The following TOM1L1 variants were observed in gnomAD, a reference collection of about 807,000 sequenced individuals.
TOM1L1 encodes the protein target of myb1 like 1 membrane trafficking protein.
TOM1L1 carries 64 observed loss-of-function variants against 63.4 expected under a neutral mutation model. The observed-to-expected ratio is 1.01, with a 90% CI of 0.83 to 1.24. The LOEUF (loss-of-function observed/expected upper bound fraction) is 1.24, where lower values mean the gene tolerates loss of function less well. Among genes scored for constraint, TOM1L1 ranks in the 50% most tolerant of loss-of-function variants. The pLI, the probability that TOM1L1 is intolerant of heterozygous loss-of-function variation, is 0.00. For missense variants in TOM1L1, 536 were observed against 567.0 expected (o/e 0.95, Z 0.55); for synonymous variants, 166 against 194.4 (o/e 0.85, Z 1.22).
At chr17:54,913,327 G>A (rs572264823) in intron 4 of TOM1L1, among the ~76,000 whole-genome samples, 2 of 152,114 alleles carry the variant, frequency 1.3e-5, no homozygotes, top group African/African-American at 4.8e-5. Context: ...CTTTCTGAGT[G>A]GGGTACATAA....
intron 11 of TOM1L1, among the ~76,000 whole-genome samples, chr17:54,940,701 G>A (rs1426807698): frequency 1.3e-5 from 2 of 152,122 alleles, no homozygotes; most frequent in African/African-American, 2.4e-5. Flanking sequence ...AGTAGTGTGT[G>A]TGTAATATAT....
intron 14 of TOM1L1, among the ~76,000 whole-genome samples, chr17:54,950,427 G>A (rs529868155): frequency 1.1e-4 from 17 of 152,296 alleles, no homozygotes; most frequent in African/African-American, 3.8e-4. Context: ...AGCTTGAGAA[G>A]GGTACTAGTC....
chr17:54,941,576 T>C (rs1001172857), intron 11 of TOM1L1, among the ~76,000 whole-genome samples: 1 of 152,232 alleles, frequency 6.6e-6, no homozygotes. Flanking sequence ...CTGTTTGTGT[T>C]ATCTTGCTAA....
At chr17:54,919,886 G>T (rs564654627) in intron 7 of TOM1L1, among the ~76,000 whole-genome samples, 111 of 152,178 alleles carry the variant, frequency 7.3e-4, no homozygotes, top group African/African-American at 2.5e-3. Flanking sequence ...AGGACAAGAA[G>T]CATATCTGAT....
In TOM1L1 at chr17:54,961,272, T is replaced by C. The variant is rs1300106414; in HGVS notation, c.*39T>C. ...GATCAGCTCACTACCACATCAAAGGTGCCAACTCTCTAAAACGTAGACTCT... is the reference window on the plus strand; with the variant it reads ...GATCAGCTCACTACCACATCAAAGGCGCCAACTCTCTAAAACGTAGACTCT... On this transcript the variant is annotated 3_prime_UTR_variant, in exon 16 of 16. Coordinates refer to ENST00000575882, the MANE Select transcript of TOM1L1 (RefSeq NM_005486.3). 1.3e-6 allele frequency: 2 copies of C among 1,551,440 alleles called. No individual in the cohort carries two copies. The highest frequency in any genetic ancestry group is 1.7e-6 in the Non-Finnish European group (2 of 1,146,798).
intron 4 of TOM1L1, among the ~76,000 whole-genome samples, chr17:54,913,431 C>T (rs562122594): frequency 3.3e-5 from 5 of 151,908 alleles, no homozygotes; most frequent in African/African-American, 4.8e-5. Flanking sequence ...TTTGGGAGGC[C>T]GAGGTGGGCA....
Position 54,937,158 on chromosome 17 carries a change from C to T in TOM1L1, c.965C>T (p.Pro322Leu). The T allele has an allele frequency of 6.2e-7, 1 of 1,613,868 alleles. No homozygotes were observed. The highest frequency in any genetic ancestry group is 1.1e-5 in the South Asian group (1 of 91,070). Residue 322 changes from proline to leucine, a missense_variant, in exon 10 of 16, where the codon CCC becomes CTC. Pro to Leu is a moderately conservative substitution (Grantham distance 98, BLOSUM62 -3). Coordinates refer to ENST00000575882, the MANE Select transcript of TOM1L1 (RefSeq NM_005486.3). ...TCTCAAGATCTCCTCGACCTAAGTCCCAGTCCCCGGATGCCTAGGGCCACT... is the reference window on the plus strand; with the variant it reads ...TCTCAAGATCTCCTCGACCTAAGTCTCAGTCCCCGGATGCCTAGGGCCACT... ...APSQDLLDLS[P>L]SPRMPRATLG...
At position 54,937,182 on chromosome 17, in the gene TOM1L1, C is replaced by T. The variant is rs377190007; in HGVS notation, c.989C>T (p.Thr330Ile). 4.0e-5 allele frequency: 65 copies of T among 1,613,742 alleles called. No homozygotes were observed. Among genetic ancestry groups the T allele is most frequent in the Non-Finnish European group, 5.4e-5 (64 of 1,179,990 alleles). ...CCCAGTCCCCGGATGCCTAGGGCCA[C>T]TCTGGGAGAACTCAACACCATGAAT... ...LSPSPRMPRA[T>I]LGELNTMNNQ... Residue 330 changes from threonine to isoleucine, a missense_variant, in exon 10 of 16, where the codon ACT becomes ATT. Coordinates refer to ENST00000575882, the MANE Select transcript of TOM1L1 (RefSeq NM_005486.3).
intron 9 of TOM1L1, 28 bp from the exon 10 acceptor site, chr17:54,937,081 C>CTTTTT: frequency 7.4e-7 from 1 of 1,357,812 alleles, no homozygotes; most frequent in Non-Finnish European, 1.0e-6. Flanking sequence ...CTACATGACA[C>CTTTTT]TTTTTTTTTT....
Position 54,961,649 on chromosome 17 carries a change from G to A in TOM1L1, c.*416G>A, listed in dbSNP as rs2077127932. On this transcript the variant is annotated 3_prime_UTR_variant, in exon 16 of 16. Transcript: ENST00000575882. ...GTGAGAAACTGAATGTATTATTCAG[G>A]AAGAATACTGAGTGCCTTCATTTAA... 1 of 1,084,364 alleles carries A rather than the reference G, an allele frequency of 9.2e-7. No homozygotes were observed. Among genetic ancestry groups the A allele is most frequent in the African/African-American group, 1.7e-5 (1 of 59,548 alleles). The allele number at this position is 1,084,364 out of a possible 1,614,324, so 67.2% of individuals were successfully genotyped here. A position where few individuals can be genotyped will look rare whatever the true frequency, so the allele number is the denominator to read the frequency against.
intron 3 of TOM1L1, among the ~76,000 whole-genome samples, chr17:54,912,367 C>T (rs1040715486): frequency 7.9e-5 from 12 of 152,276 alleles, no homozygotes; most frequent in African/African-American, 2.6e-4. Flanking sequence ...CCATCCATAG[C>T]TCATATGTTT....
chr17:54,931,256 T>C (rs1042843683), intron 8 of TOM1L1, among the ~76,000 whole-genome samples: 1 of 151,460 alleles, frequency 6.6e-6, no homozygotes, highest in African/African-American at 2.5e-5. Flanking sequence ...AGATTTAAGT[T>C]TTTTTCTTTC....
chr17:54,931,487 G>C (rs993688081), intron 8 of TOM1L1, among the ~76,000 whole-genome samples: 2 of 152,032 alleles, frequency 1.3e-5, no homozygotes, highest in African/African-American at 4.8e-5. Context: ...AGTGAATTAA[G>C]AGAAACCATG....
intron 11 of TOM1L1, among the ~76,000 whole-genome samples, chr17:54,939,828 G>T (rs1403416606): frequency 6.6e-6 from 1 of 152,144 alleles, no homozygotes; most frequent in Non-Finnish European, 1.5e-5. Context: ...CTCCTAAAGT[G>T]AGCCACTGCA....
chr17:54,912,326 C>T (rs973802852), intron 3 of TOM1L1, among the ~76,000 whole-genome samples: 1 of 152,140 alleles, frequency 6.6e-6, no homozygotes, highest in African/African-American at 2.4e-5. Context: ...TATACCTGTG[C>T]TACCCTGGGT....
At chr17:54,913,915 A>G in intron 5 of TOM1L1, 42 bp downstream of exon 5, 1 of 1,570,534 alleles carries the variant, frequency 6.4e-7, no homozygotes. Context: ...ATAGTAGTGT[A>G]TCACTTGGGT....
intron 12 of TOM1L1, among the ~76,000 whole-genome samples, chr17:54,948,579 G>A (rs2049158617): frequency 1.3e-5 from 2 of 151,954 alleles, no homozygotes; most frequent in African/African-American, 2.4e-5. Context: ...CGACCTATTA[G>A]AGCAGTATTC....
Position 54,930,179 on chromosome 17 carries a change from T to C in TOM1L1, c.827T>C (p.Leu276Ser), listed in dbSNP as rs1437552271. 6.2e-7 allele frequency: 1 copy of C among 1,614,008 alleles called. No individual in the cohort carries two copies. The highest frequency in any genetic ancestry group is 2.2e-5 in the East Asian group (1 of 44,882). The change falls in exon 8 of 16, where the codon TTG becomes TCG. Residue 276 changes from leucine (L) to serine (S), a missense_variant. By Grantham distance (145) the Leu-to-Ser change is moderately radical. Transcript: ENST00000575882. Reference protein sequence around the residue: ...TVELIQVNEDLNNAILGYERF... With the variant: ...TVELIQVNEDSNNAILGYERF... ...GAGCTAATTCAGGTGAATGAGGATT[T>C]GAATAATGCTATCCTTGGATATGAG...
chr17:54,931,292 A>T (rs966024101), intron 8 of TOM1L1, among the ~76,000 whole-genome samples: 2 of 152,158 alleles, frequency 1.3e-5, no homozygotes, highest in Admixed American at 1.3e-4. Flanking sequence ...ATTAAATAGG[A>T]TAATAATACC....
Sources: allele counts gnomAD v4.1 joint callset (sites outside exome capture counted in the v4.1 genomes callset), GRCh38; gene constraint gnomAD v4.1.1; transcripts MANE v1.5; gene names NCBI Gene and HGNC (gene_info 2026-07-23, HGNC 2026-07-21).